Variants in EZH2 observed in about 807,000 individuals in gnomAD.
EZH2 encodes the protein histone-lysine N-methyltransferase EZH2.
A neutral mutation model predicts 98.4 loss-of-function variants in EZH2; 18 were observed. The ratio of observed to expected loss-of-function variants is 0.18; its 90% CI spans 0.13 to 0.27. The LOEUF is 0.27. EZH2 is among the 10% of genes least tolerant of loss of function. The pLI is 1.00. For synonymous variants in EZH2, 338 were observed against 312.3 expected (o/e 1.08, Z -0.87); for missense variants, 470 against 935.1 (o/e 0.50, Z 6.49).
intron 3 of EZH2, among the ~76,000 whole-genome samples, chr7:148,834,065 T>G (rs549349678): frequency 1.3e-5 from 2 of 152,324 alleles, no homozygotes; most frequent in East Asian, 3.9e-4. Context: ...AATCCATTCT[T>G]ATCACAGTGA....
At chr7:148,818,534 ACTAC>A (rs1805188033) in intron 9 of EZH2, among the ~76,000 whole-genome samples, 1 of 152,228 alleles carries the variant, frequency 6.6e-6, no homozygotes, top group Non-Finnish European at 1.5e-5. Context: ...ACGGAGTCAG[ACTAC>A]CTATGCAGAG....
chr7:148,841,840 C>A (rs992323932), intron 3 of EZH2, among the ~76,000 whole-genome samples: 2 of 152,004 alleles, frequency 1.3e-5, no homozygotes, highest in African/African-American at 2.4e-5. Flanking sequence ...AATGTTAAGT[C>A]CAAACTGCCA....
Position 148,817,882 on chromosome 7 carries a change from G to A in EZH2, c.1235C>T (p.Ser412Phe), listed in dbSNP as rs2129471627. The change falls in exon 10 of 20, where the codon TCC becomes TTC. Residue 412 changes from serine (S) to phenylalanine (F), a missense_variant. By Grantham distance (155) the Ser-to-Phe change is radical. Around this residue, in one of 6 missense-constraint regions of EZH2, gnomAD observed 192 missense variants for 306.8 expected, o/e 0.63. Transcript: ENST00000320356. ...AGTTATTAGACGTGTCTTACCAGAG[G>A]AGCTCGAAGTTTCATCTTTCTTCTC... ...EEEKKDETSSSSEANSRCQTP... is the reference protein window; with the variant it reads ...EEEKKDETSSFSEANSRCQTP... The A allele has an allele frequency of 6.2e-7, 1 of 1,614,164 alleles. No homozygotes were observed. Among genetic ancestry groups the A allele is most frequent in the Non-Finnish European group, 8.5e-7 (1 of 1,180,034 alleles).
At chr7:148,809,587 A>T (rs549176130) in intron 17 of EZH2, among the ~76,000 whole-genome samples, 197 bp from the exon 18 acceptor site, 10 of 152,144 alleles carry the variant, frequency 6.6e-5, no homozygotes, top group African/African-American at 2.2e-4. Flanking sequence ...TTAATCACCT[A>T]TAATTCAAGA....
At chr7:148,831,724 A>G (rs1255916005) in intron 4 of EZH2, among the ~76,000 whole-genome samples, 2 of 152,244 alleles carry the variant, frequency 1.3e-5, no homozygotes, top group African/African-American at 4.8e-5. Context: ...AAAGTATAAA[A>G]GTTACTAAAA....
intron 1 of EZH2, among the ~76,000 whole-genome samples, chr7:148,848,911 T>C (rs528488742): frequency 6.6e-6 from 1 of 152,196 alleles, no homozygotes; most frequent in African/African-American, 2.4e-5. Context: ...CACCTATGCA[T>C]AGCCTCCCAT....
chr7:148,857,661 GA>G, intron 1 of EZH2, among the ~76,000 whole-genome samples: 1 of 152,072 alleles, frequency 6.6e-6, no homozygotes. Flanking sequence ...TAAGGCAGGA[GA>G]ATTGCTTGAA....
At chr7:148,854,512 AAAT>A (rs1159213403) in intron 1 of EZH2, among the ~76,000 whole-genome samples, 2 of 152,238 alleles carry the variant, frequency 1.3e-5, no homozygotes, top group Non-Finnish European at 2.9e-5. Flanking sequence ...CTGGCCAAAT[AAAT>A]GTTTCTGTTT....
In EZH2 at chr7:148,807,456, A is replaced by G; in HGVS notation, c.*190T>C. 3.4e-6 allele frequency: 2 copies of G among 593,286 alleles called. No individual in the cohort carries two copies. Among genetic ancestry groups the G allele is most frequent in the Non-Finnish European group, 6.0e-6 (2 of 331,988 alleles). The allele number at this position is 593,286 out of a possible 1,614,324, so 36.8% of individuals were successfully genotyped here. A position where few individuals can be genotyped will look rare whatever the true frequency, so the allele number is the denominator to read the frequency against. Reference sequence around the variant, plus strand: ...CATTATTGCAAAAATTCACTGGTACAAAACACTTTGCAGCTGGTGAGAAGG... The same window carrying G: ...CATTATTGCAAAAATTCACTGGTACGAAACACTTTGCAGCTGGTGAGAAGG... On this transcript the variant is annotated 3_prime_UTR_variant, in exon 20 of 20. Transcript: ENST00000320356.
At chr7:148,822,394 C>T (rs1006166119) in intron 8 of EZH2, among the ~76,000 whole-genome samples, 3 of 151,728 alleles carry the variant, frequency 2.0e-5, no homozygotes, top group Non-Finnish European at 4.4e-5. Flanking sequence ...CCTGTAGTCC[C>T]AGCTACTCCA....
At chr7:148,857,495 T>C (rs938407612) in intron 1 of EZH2, among the ~76,000 whole-genome samples, 2 of 152,166 alleles carry the variant, frequency 1.3e-5, no homozygotes, top group African/African-American at 4.8e-5. Flanking sequence ...TCATGCTTGT[T>C]AATCCCAGCA....
In EZH2 at chr7:148,827,266, T is replaced by C; in HGVS notation, c.626A>G (p.Asp209Gly). Residue 209 changes from aspartate to glycine, a missense_variant and splice_region_variant, in exon 7 of 20, where the codon GAT (aspartate) becomes GGT (glycine). Coordinates refer to ENST00000320356, the MANE Select transcript of EZH2 (RefSeq NM_004456.5). ...TTTCCGAGGTGGGCGGCTTTCTTTA[T>C]CTAAACAGGAGAATATGAAAGGAAA... ...KQKDLEDHRD[D>G]KESRPPRKFP... 6.2e-7 allele frequency: 1 copy of C among 1,610,942 alleles called. No individual in the cohort carries two copies. The highest frequency in any genetic ancestry group is 1.3e-5 in the African/African-American group (1 of 74,842).
intron 2 of EZH2, among the ~76,000 whole-genome samples, chr7:148,846,838 C>CTG (rs59597308): frequency 0.043 from 5,755 of 135,024 alleles, 137 homozygotes; most frequent in Non-Finnish European, 0.054. Context: ...TCTTTGTTGA[C>CTG]TGTGTGTGTG....
chr7:148,815,652 T>A, intron 12 of EZH2, 106 bp from the exon 13 acceptor site: 1 of 1,019,158 alleles, frequency 9.8e-7, no homozygotes, highest in Non-Finnish European at 1.6e-6. Context: ...AGGAATGCGT[T>A]AAAGCCAAGA....
chr7:148,824,583 A>G (rs190382002), intron 8 of EZH2, among the ~76,000 whole-genome samples: 2 of 152,068 alleles, frequency 1.3e-5, no homozygotes, highest in Non-Finnish European at 2.9e-5. Context: ...GTGTAAGTAC[A>G]CTCTGTGTTT....
intron 1 of EZH2, among the ~76,000 whole-genome samples, chr7:148,861,994 T>C (rs921426419): frequency 5.9e-5 from 9 of 152,166 alleles, no homozygotes; most frequent in East Asian, 1.9e-4. Context: ...GGGAGAGTGT[T>C]TGAATAGCCT....
intron 16 of EZH2, 141 bp downstream of exon 16, chr7:148,811,484 A>G (rs771579271): frequency 6.1e-5 from 40 of 653,026 alleles, no homozygotes; most frequent in Non-Finnish European, 9.3e-5. Context: ...ATCCACAAAC[A>G]TGCAGAAGTC....
At chr7:148,824,384 G>A (rs185809511) in intron 8 of EZH2, among the ~76,000 whole-genome samples, 12 of 151,142 alleles carry the variant, frequency 7.9e-5, no homozygotes, top group Non-Finnish European at 5.9e-5. Context: ...CTGAGTCAAT[G>A]ATGGACCGCA....
At chr7:148,819,888 G>A (rs1343788950) in intron 8 of EZH2, among the ~76,000 whole-genome samples, 1 of 152,166 alleles carries the variant, frequency 6.6e-6, no homozygotes, top group Non-Finnish European at 1.5e-5. Flanking sequence ...CCATTAAGCA[G>A]GAAGGAAAAA....
Sources: allele counts gnomAD v4.1 joint callset (sites outside exome capture counted in the v4.1 genomes callset), GRCh38; gene constraint gnomAD v4.1.1; regional missense constraint gnomAD v4.1.1; transcripts MANE v1.5; gene names NCBI Gene and HGNC (gene_info 2026-07-23, HGNC 2026-07-21).